GPR179: variants seen among roughly 807,000 people sequenced by gnomAD.
The protein encoded by GPR179 is probable G protein-coupled receptor 179.
Under a neutral mutation model 70.8 loss-of-function variants are expected in GPR179, and 52 were observed. The ratio of observed to expected loss-of-function variants is 0.73; its 90% CI spans 0.59 to 0.93. GPR179 has a LOEUF of 0.93. GPR179 is among the 40% of genes least tolerant of loss of function. GPR179 has a pLI of 0.00. For missense variants in GPR179, 2,734 were observed against 2,966.8 expected, an observed-to-expected ratio of 0.92 and a Z score of 1.82; for synonymous variants, 1,123 against 1,169.0, an observed-to-expected ratio of 0.96 and a Z score of 0.80.
At chr17:38,332,789 T>G (rs2144266321) in intron 10 of GPR179, among the ~76,000 whole-genome samples, 1 of 152,388 alleles carries the variant, frequency 6.6e-6, no homozygotes, top group African/African-American at 2.4e-5. Context: ...TTTGTATTTC[T>G]AGTAGAGACG....
At position 38,327,932 on chromosome 17, in the gene GPR179, C is replaced by T; in HGVS notation, c.5637G>A (p.Lys1879=). The T allele has an allele frequency of 6.2e-7, 1 of 1,614,184 alleles. No homozygotes were observed. Among genetic ancestry groups the T allele is most frequent in the South Asian group, 1.1e-5 (1 of 91,082 alleles). Residue 1879 remains lysine (K), a synonymous_variant, in exon 11 of 11, where the codon AAG becomes AAA. Coordinates refer to ENST00000616987, the MANE Select transcript of GPR179 (RefSeq NM_001004334.4). The stretch of plus-strand genomic sequence containing the variant: ...CCTGAGCAGGGGATTCCCTCAAGTC[C>T]TTGTTCTCCCAAATACAAATAGTTT... The part of the protein sequence containing the change: ...QQETICIWEN[K]DLRESPAQAP...
chr17:38,328,884 A>G lies in GPR179; in HGVS notation c.4685T>C (p.Leu1562Pro). The G allele has an allele frequency of 6.2e-7, 1 of 1,613,680 alleles. No individual in the cohort carries two copies. Among genetic ancestry groups the G allele is most frequent in the East Asian group, 2.2e-5 (1 of 44,812 alleles). The change falls in exon 11 of 11, where the codon CTA becomes CCA. Residue 1562 changes from leucine (L) to proline (P), a missense_variant. Leu to Pro is a moderately conservative substitution (Grantham distance 98, BLOSUM62 -3). Transcript: ENST00000616987. ...CGTTGCTCTGCTTCCTCCATTGCATAGGAATTGGCTACCAGCTTTGGATGA... is the reference window on the plus strand; with the variant it reads ...CGTTGCTCTGCTTCCTCCATTGCATGGGAATTGGCTACCAGCTTTGGATGA... The part of the protein sequence containing the change: ...NSSSKAGSQF[L>P]CNGGSRATQV...
In GPR179 at chr17:38,328,506, A is replaced by G. The variant is rs1410091232; in HGVS notation, c.5063T>C (p.Ile1688Thr). 2 of 1,611,826 alleles carry G rather than the reference A, an allele frequency of 1.2e-6. No homozygotes were observed. The highest frequency in any genetic ancestry group is 1.7e-6 in the Non-Finnish European group (2 of 1,179,512). The change falls in exon 11 of 11, where the codon ATT (isoleucine) becomes ACT (threonine). Residue 1688 changes from isoleucine (I) to threonine (T), a missense_variant. Coordinates refer to ENST00000616987, the MANE Select transcript of GPR179 (RefSeq NM_001004334.4). Reference sequence around the variant, plus strand: ...GTTTTCCTCCACATCCAAAGGGCAAATGTCGGCAGCTTTGCTTCCCACACT... The same window carrying G: ...GTTTTCCTCCACATCCAAAGGGCAAGTGTCGGCAGCTTTGCTTCCCACACT... The part of the protein sequence containing the change: ...SGSVGSKAAD[I>T]CPLDVEENLT...
At position 38,335,841 on chromosome 17, in the gene GPR179, T is replaced by G. The variant is rs148749568; in HGVS notation, c.1297-141A>C. 543 of 679,952 alleles carry G rather than the reference T, an allele frequency of 8.0e-4. 3 individuals are homozygous for G. The African/African-American group carries it at 8.6e-3, about 11-fold the overall frequency. 42.1% of individuals were successfully genotyped at this position (679,952 alleles called of 1,614,324 possible). ...TCATTCTGCAGAGGAGCAGCTGAAG[T>G]GTCAAAGAAGTTAGGTAACTTGCCC... On this transcript the variant is annotated intron_variant, in intron 5 of 10. Transcript: ENST00000616987.
chr17:38,330,896 C>T lies in GPR179; in HGVS notation c.2673G>A (p.Leu891=). The part of the protein sequence containing the change: ...SLVRRPSARR[L]ERPRGAPLSA... ...ACAGGGGGGCCCCTCGAGGCCGCTCCAGCCTCCTGGCTGATGGCCTCCGCA... is the reference window on the plus strand; with the variant it reads ...ACAGGGGGGCCCCTCGAGGCCGCTCTAGCCTCCTGGCTGATGGCCTCCGCA... The change falls in exon 11 of 11, where the codon CTG becomes CTA. Residue 891 remains leucine, a synonymous_variant. Transcript: ENST00000616987. The T allele has an allele frequency of 1.9e-6, 3 of 1,604,362 alleles. No homozygotes were observed. Among genetic ancestry groups the T allele is most frequent in the Non-Finnish European group, 2.6e-6 (3 of 1,176,048 alleles).
At position 38,326,645 on chromosome 17, in the gene GPR179, A is replaced by C. The variant is rs751255157; in HGVS notation, c.6924T>G (p.Gly2308=). The change falls in exon 11 of 11, where the codon GGT becomes GGG. Residue 2308 remains glycine (G), a synonymous_variant. Transcript: ENST00000616987. ...CTGAAGGTCCTTGTAGTTCTCTGACACCTTCTAGAGTGAAAGTACTGGCTG... is the reference window on the plus strand; with the variant it reads ...CTGAAGGTCCTTGTAGTTCTCTGACCCCTTCTAGAGTGAAAGTACTGGCTG... ...SRPASTFTLE[G]VRELQGPSGL... is the part of the protein sequence containing the mutation. The C allele has an allele frequency of 6.8e-6, 11 of 1,614,056 alleles. No individual in the cohort carries two copies. The Admixed American group carries it at 1.8e-4, about 27-fold the overall frequency.
rs768911123 is a variant in GPR179, at chr17:38,328,364, A to G, written c.5205T>C (p.Ser1735=). Residue 1735 remains serine, a synonymous_variant, in exon 11 of 11, where the codon TCT becomes TCC. Coordinates refer to ENST00000616987, the MANE Select transcript of GPR179 (RefSeq NM_001004334.4). The stretch of plus-strand genomic sequence containing the variant: ...CTCTCTCCCTGGGTCCAAGATCTGC[A>G]GAAACCTTGCCTGTATCATTTGGAG... ...RKSPNDTGKV[S]ADLGPRERAV... is the part of the protein sequence containing the mutation. 2 of 1,613,406 alleles carry G rather than the reference A, an allele frequency of 1.2e-6. No individual in the cohort carries two copies.
Position 38,343,660 on chromosome 17 carries a change from G to T in GPR179, c.130C>A (p.Pro44Thr). ...GGCACCTGCATGGGTACAGATCCTG[G>T]CTTGACTTGGGAAGACAGAGGGGGC... is the stretch of plus-strand genomic sequence containing the variant. ...SLPPLSSQVK[P>T]GSVPMQVPLE... is the part of the protein sequence containing the mutation. The change falls in exon 1 of 11, where the codon CCA becomes ACA. Residue 44 changes from proline (P) to threonine (T), a missense_variant. Pro to Thr is a conservative substitution (Grantham distance 38). Transcript: ENST00000616987. The surrounding 1 kb of genome is among the most constrained non-coding windows in gnomAD (Gnocchi z 4.2). 1 of 1,612,478 alleles carries T rather than the reference G, an allele frequency of 6.2e-7. No individual in the cohort carries two copies. Among genetic ancestry groups the T allele is most frequent in the Non-Finnish European group, 8.5e-7 (1 of 1,178,966 alleles).
At position 38,327,720 on chromosome 17, in the gene GPR179, G is replaced by GT. The variant is rs777322102; in HGVS notation, c.5848dup (p.Thr1950AsnfsTer4). ...ACAGACGGATTGTAGCTCATGGCTTGTTTTTTCCCCATCTTCAGTAGTGAA... is the reference window on the plus strand; with the variant it reads ...ACAGACGGATTGTAGCTCATGGCTTGTTTTTTTCCCCATCTTCAGTAGTGAA... On this transcript the variant is annotated frameshift_variant, in exon 11 of 11. Coordinates refer to ENST00000616987, the MANE Select transcript of GPR179 (RefSeq NM_001004334.4). LOFTEE classifies it low-confidence loss of function (END_TRUNC). 1.9e-6 allele frequency: 3 copies of GT among 1,614,020 alleles called. No homozygotes were observed. Among genetic ancestry groups the GT allele is most frequent in the South Asian group, 2.2e-5 (2 of 91,088 alleles).
chr17:38,343,515 G>A lies in GPR179; in HGVS notation c.275C>T (p.Pro92Leu). ...GCCCGCTGCCCCCTGTAGGCTTGGG[G>A]GGAGCCCTGGCATGGCTCCTGCCCC... Reference protein sequence around the residue: ...ARGAGAMPGLPPSLQGAAGTL... With the variant: ...ARGAGAMPGLLPSLQGAAGTL... Residue 92 changes from proline (P) to leucine (L), a missense_variant, in exon 1 of 11, where the codon CCC becomes CTC. Coordinates refer to ENST00000616987, the MANE Select transcript of GPR179 (RefSeq NM_001004334.4). The surrounding 1 kb of genome is among the most constrained non-coding windows in gnomAD (Gnocchi z 4.2). 1 of 1,613,742 alleles carries A rather than the reference G, an allele frequency of 6.2e-7. No individual in the cohort carries two copies.
In GPR179 at chr17:38,329,396, A is replaced by G; in HGVS notation, c.4173T>C (p.Asp1391=). 1 of 1,613,422 alleles carries G rather than the reference A, an allele frequency of 6.2e-7. No individual in the cohort carries two copies. The highest frequency in any genetic ancestry group is 8.5e-7 in the Non-Finnish European group (1 of 1,179,850). Residue 1391 remains aspartate, a synonymous_variant, in exon 11 of 11, where the codon GAT becomes GAC. Transcript: ENST00000616987. ...TCACTGCCTCTTGGGCTGGTTTCCC[A>G]TCCTCGCCTCCTTCACTTGCCTCCC... is the stretch of plus-strand genomic sequence containing the variant. ...CPWEASEGGE[D]GKPAQEAVKD...
In GPR179 at chr17:38,333,314, G is replaced by A; in HGVS notation, c.1974C>T (p.Ser658=). Reference sequence around the variant, plus strand: ...CTGAGGCGATGCTGCTGCCAAGGTAGGAGCCTGAGTGCTGCAGGTCCAGCT... The same window carrying A: ...CTGAGGCGATGCTGCTGCCAAGGTAAGAGCCTGAGTGCTGCAGGTCCAGCT... The part of the protein sequence containing the change: ...EDELDLQHSG[S]YLGSSIASAW... Residue 658 remains serine, a synonymous_variant, in exon 10 of 11, where the codon TCC becomes TCT. Transcript: ENST00000616987. 6.2e-7 allele frequency: 1 copy of A among 1,614,120 alleles called. No individual in the cohort carries two copies. Among genetic ancestry groups the A allele is most frequent in the African/African-American group, 1.3e-5 (1 of 75,052 alleles).
At chr17:38,333,509 T>A (rs1028908066) in intron 9 of GPR179, 112 bp from the exon 10 acceptor site, 7 of 1,102,250 alleles carry the variant, frequency 6.4e-6, no homozygotes, top group Non-Finnish European at 8.9e-6. Flanking sequence ...CACCCCCTTC[T>A]CTGACTTGGA....
Position 38,326,813 on chromosome 17 carries a change from C to G in GPR179, c.6756G>C (p.Glu2252Asp). Residue 2252 changes from glutamate to aspartate, a missense_variant, in exon 11 of 11, where the codon GAG (glutamate) becomes GAC (aspartate). Glu to Asp is a conservative substitution (Grantham distance 45, BLOSUM62 2). Transcript: ENST00000616987. ...CTGTTAAAGCCAGGAGGCCAGATTC[C>G]TCAGATGGGACTCCAGTTTCCTCCC... ...CPGEETGVPS[E>D]ESGLLALTAT... 6.2e-7 allele frequency: 1 copy of G among 1,614,232 alleles called. No homozygotes were observed. The highest frequency in any genetic ancestry group is 8.5e-7 in the Non-Finnish European group (1 of 1,180,034).
At chr17:38,337,444 C>T (rs2037415269) in intron 3 of GPR179, among the ~76,000 whole-genome samples, 189 bp downstream of exon 3, 1 of 152,176 alleles carries the variant, frequency 6.6e-6, no homozygotes, top group African/African-American at 2.4e-5. Context: ...GTTACAGGCT[C>T]ATACTCAGAA....
At position 38,327,910 on chromosome 17, in the gene GPR179, G is replaced by A. The variant is rs772170690; in HGVS notation, c.5659C>T (p.Gln1887Ter). The change falls in exon 11 of 11, where the codon CAG (glutamine) becomes TAG (stop). Residue 1887 changes from glutamine to a stop codon, truncating the protein, a stop_gained. Transcript: ENST00000616987. LOFTEE classifies it low-confidence loss of function (END_TRUNC). ...GGCAAGTCTGAGATCTTGGGGGCCT[G>A]AGCAGGGGATTCCCTCAAGTCCTTG... ...ENKDLRESPA[Q>*]APKISDLPSS... 12 of 1,614,166 alleles carry A rather than the reference G, an allele frequency of 7.4e-6. No homozygotes were observed. Among genetic ancestry groups the A allele is most frequent in the Non-Finnish European group, 9.3e-6 (11 of 1,180,022 alleles).
At position 38,330,688 on chromosome 17, in the gene GPR179, C is replaced by G; in HGVS notation, c.2881G>C (p.Ala961Pro). Residue 961 changes from alanine (A) to proline (P), a missense_variant, in exon 11 of 11, where the codon GCT (alanine) becomes CCT (proline). Coordinates refer to ENST00000616987, the MANE Select transcript of GPR179 (RefSeq NM_001004334.4). ...PRMLSPTSTLAPALLPALAPT... is the reference protein window; with the variant it reads ...PRMLSPTSTLPPALLPALAPT... ...GCTAGAGCTGGCAGCAGAGCTGGAG[C>G]CAAGGTGGAGGTGGGAGATAGCATC... is the stretch of plus-strand genomic sequence containing the variant. The G allele has an allele frequency of 6.2e-7, 1 of 1,600,394 alleles. No homozygotes were observed. Among genetic ancestry groups the G allele is most frequent in the South Asian group, 1.1e-5 (1 of 89,374 alleles).
chr17:38,334,176 T>G lies in GPR179; in HGVS notation c.1785-138A>C. ...GGGCATTCTGCCCTCTCCTGCCCTC[T>G]CCAGGATTTAGGTCCCACTTCAATC... On this transcript the variant is annotated intron_variant, in intron 8 of 10. Transcript: ENST00000616987. This position sits in a 1 kb window ranked among gnomAD's most constrained non-coding sequence, Gnocchi z 4.7. 1 of 690,746 alleles carries G rather than the reference T, an allele frequency of 1.4e-6. No individual in the cohort carries two copies. Among genetic ancestry groups the G allele is most frequent in the South Asian group, 1.6e-5 (1 of 60,650 alleles). The allele number at this position is 690,746 out of a possible 1,614,324, so 42.8% of individuals were successfully genotyped here.
Position 38,335,080 on chromosome 17 carries a change from TG to T in GPR179, c.1597del (p.His533IlefsTer93). The T allele has an allele frequency of 6.2e-7, 1 of 1,613,578 alleles. No homozygotes were observed. Among genetic ancestry groups the T allele is most frequent in the Non-Finnish European group, 8.5e-7 (1 of 1,179,920 alleles). On this transcript the variant is annotated frameshift_variant, in exon 7 of 11. Coordinates refer to ENST00000616987, the MANE Select transcript of GPR179 (RefSeq NM_001004334.4). LOFTEE classifies it high-confidence loss of function. ...GCGGTCGTGGTGACAGAGGTAGAAA[TG>T]GCGGCCACTGGGAGTGTGGCCTCGG... ...VIRGHTPSGR[H>X]FYLCHHDRWD...
Sources: allele counts gnomAD v4.1 joint callset (sites outside exome capture counted in the v4.1 genomes callset), GRCh38; gene constraint gnomAD v4.1.1; non-coding constraint Gnocchi (gnomAD v3.1); transcripts MANE v1.5; gene names NCBI Gene and HGNC (gene_info 2026-07-23, HGNC 2026-07-21).